Variants in ANXA2 observed in about 807,000 individuals in gnomAD.
The protein encoded by ANXA2 is annexin A2.
In ANXA2, 28 loss-of-function variants were observed where a neutral mutation model predicts 47.3. The ratio of observed to expected loss-of-function variants is 0.59; its 90% CI spans 0.44 to 0.81. The LOEUF (loss-of-function observed/expected upper bound fraction) is 0.81. Among genes scored for constraint, ANXA2 ranks in the 40% least tolerant of loss-of-function variants. The pLI, the probability that ANXA2 is intolerant of heterozygous loss-of-function variation, is 0.00. For missense variants in ANXA2, 384 were observed against 414.3 expected (o/e 0.93, Z 0.64); for synonymous variants, 172 against 155.5 (o/e 1.11, Z -0.79).
At position 60,379,728 on chromosome 15, in the gene ANXA2, C is replaced by T. The variant is rs150664380; in HGVS notation, c.148+2614G>A. Among the ~76,000 whole-genome samples, 807 of 152,282 alleles carry T rather than the reference C, an allele frequency of 5.3e-3. 8 individuals carry two copies. The highest frequency in any genetic ancestry group is 0.018 in the African/African-American group (764 of 41,544). On this transcript the variant is annotated intron_variant, in intron 3 of 12. Transcript: ENST00000451270. The stretch of plus-strand genomic sequence containing the variant: ...TGCCTGGTGCAGTATCTGCCCACAA[C>T]GAGCATTTTATAAATAGTTGCAATG...
chr15:60,392,946 A>C, intron 1 of ANXA2: 5 of 510,680 alleles, frequency 9.8e-6, no homozygotes, highest in Non-Finnish European at 1.3e-5. Context: ...TTAAACTAAA[A>C]AAAAAAAAAA....
At position 60,361,942 on chromosome 15, in the gene ANXA2, T is replaced by C. The variant is rs137887701; in HGVS notation, c.244-888A>G. Reference sequence around the variant, plus strand: ...TTCTTCTCTCTCTTCTTTCTTTCCTTGCTTTCTAAGAGCACCTGTGGCATC... The same window carrying C: ...TTCTTCTCTCTCTTCTTTCTTTCCTCGCTTTCTAAGAGCACCTGTGGCATC... On this transcript the variant is annotated intron_variant, in intron 4 of 12. Coordinates refer to ENST00000451270, the MANE Select transcript of ANXA2 (RefSeq NM_004039.3). Among the ~76,000 whole-genome samples, 1,097 of 152,172 alleles carry C rather than the reference T, an allele frequency of 7.2e-3. 13 individuals are homozygous for C. Among genetic ancestry groups the C allele is most frequent in the African/African-American group, 0.025 (1,031 of 41,498 alleles).
intron 3 of ANXA2, among the ~76,000 whole-genome samples, chr15:60,367,637 T>G (rs2062649208): frequency 1.5e-5 from 1 of 65,020 alleles, no homozygotes; most frequent in Non-Finnish European, 2.9e-5. Flanking sequence ...CCGCCCCTAC[T>G]GGGAAGTGAG....
At chr15:60,353,718 T>G (rs1177610531) in intron 8 of ANXA2, among the ~76,000 whole-genome samples, 1 of 152,196 alleles carries the variant, frequency 6.6e-6, no homozygotes, top group Non-Finnish European at 1.5e-5. Flanking sequence ...AAGGTGGGAC[T>G]CCTGAGGTTA....
rs959666712 is a variant in ANXA2 at position 60,378,252 on chromosome 15, T to A, written c.148+4090A>T. On this transcript the variant is annotated intron_variant, in intron 3 of 12. Coordinates refer to ENST00000451270, the MANE Select transcript of ANXA2 (RefSeq NM_004039.3). ...GGTGATGACTGCACAACTCTGCAAATACACTACTAAACACACTGAAATGTA... is the reference window on the plus strand; with the variant it reads ...GGTGATGACTGCACAACTCTGCAAAAACACTACTAAACACACTGAAATGTA... 4.6e-5 allele frequency among the ~76,000 whole-genome samples: 7 copies of A among 152,148 alleles called. 1 individual carries two copies. Among genetic ancestry groups the A allele is most frequent in the African/African-American group, 1.4e-4 (6 of 41,436 alleles).
intron 1 of ANXA2, chr15:60,390,750 T>A: frequency 6.1e-6 from 1 of 164,868 alleles, no homozygotes; most frequent in Non-Finnish European, 1.3e-5. Flanking sequence ...CAAAACAAAA[T>A]AAAAAGAAAT....
intron 6 of ANXA2, among the ~76,000 whole-genome samples, chr15:60,356,909 GTC>G (rs932273269): frequency 3.9e-5 from 6 of 152,074 alleles, no homozygotes; most frequent in African/African-American, 7.2e-5. Context: ...TTTCCCTCCT[GTC>G]TACCCTTCTT....
At chr15:60,349,024 C>A (rs765488123) in intron 12 of ANXA2, 51 bp downstream of exon 12, 70 of 1,609,178 alleles carry the variant, frequency 4.4e-5, no homozygotes, top group South Asian at 1.5e-4. Flanking sequence ...CCTGCCAGGG[C>A]CCGGGGTGCT....
intron 4 of ANXA2, chr15:60,362,682 A>T (rs1327458661): frequency 1.3e-5 from 2 of 152,230 alleles, no homozygotes; most frequent in East Asian, 3.8e-4. Context: ...TATCTCAAGT[A>T]GTTTACATAT....
rs1481527954 is a variant in ANXA2, at chr15:60,352,119, G to A, written c.682+264C>T. Among the ~76,000 whole-genome samples the A allele has an allele frequency of 6.6e-6, 1 of 152,156 alleles. No homozygotes were observed. The highest frequency in any genetic ancestry group is 2.4e-5 in the African/African-American group (1 of 41,412). On this transcript the variant is annotated intron_variant, in intron 9 of 12. Transcript: ENST00000451270. The surrounding 1 kb of genome is among the most constrained non-coding windows in gnomAD (Gnocchi z 4.2). ...GAAACAGTACAGAGCATGCACCAAA[G>A]TCCACTACTTCAACAAATAATGGCA... is the stretch of plus-strand genomic sequence containing the variant.
intron 1 of ANXA2, among the ~76,000 whole-genome samples, chr15:60,392,426 A>G (rs1180436702): frequency 6.6e-6 from 1 of 151,988 alleles, no homozygotes; most frequent in East Asian, 1.9e-4. Context: ...AAAACTCTAT[A>G]GATTTTATTG....
rs989635967 is a variant in ANXA2, at chr15:60,352,851, TACTGG to T, written c.589-380_589-376del. On this transcript the variant is annotated intron_variant, in intron 8 of 12. Transcript: ENST00000451270. This position sits in a 1 kb window ranked among gnomAD's most constrained non-coding sequence, Gnocchi z 4.2. ...AGGGGCAGATAAGCTAGCAGATGTT[TACTGG>T]ACAGCTACAGACCAGGCTCTCATTC... 5.9e-5 allele frequency among the ~76,000 whole-genome samples: 9 copies of T among 152,188 alleles called. No homozygotes were observed. Among genetic ancestry groups the T allele is most frequent in the Admixed American group, 5.9e-4 (9 of 15,288 alleles).
At chr15:60,356,618 CA>C (rs924920333) in intron 6 of ANXA2, among the ~76,000 whole-genome samples, 1 of 152,080 alleles carries the variant, frequency 6.6e-6, no homozygotes, top group Non-Finnish European at 1.5e-5. Context: ...CATGTACCCC[CA>C]AAATATGTAA....
At chr15:60,387,911 C>T (rs140713648) in intron 1 of ANXA2, among the ~76,000 whole-genome samples, 54 of 152,184 alleles carry the variant, frequency 3.5e-4, no homozygotes, top group African/African-American at 1.3e-3. Flanking sequence ...GACAATCGGC[C>T]GGGTGCGGTG....
intron 3 of ANXA2, among the ~76,000 whole-genome samples, chr15:60,376,304 CCCG>C (rs1385077149): frequency 2.6e-5 from 4 of 152,014 alleles, no homozygotes; most frequent in Non-Finnish European, 5.9e-5. Flanking sequence ...ATCGCTTGAA[CCCG>C]GGAGGCGAGG....
At chr15:60,364,323 A>G in intron 4 of ANXA2, 106 bp downstream of exon 4, 1 of 853,946 alleles carries the variant, frequency 1.2e-6, no homozygotes, top group Non-Finnish European at 1.9e-6. Flanking sequence ...CAAGGGTCCC[A>G]CAAGTCTTTT....
At chr15:60,385,175 C>A (rs1566948097) in intron 2 of ANXA2, among the ~76,000 whole-genome samples, 1 of 152,132 alleles carries the variant, frequency 6.6e-6, no homozygotes, top group Non-Finnish European at 1.5e-5. Context: ...AAAAAGGAAA[C>A]AGATGAATTA....
intron 2 of ANXA2, among the ~76,000 whole-genome samples, chr15:60,385,215 A>G (rs569782146): frequency 2.0e-5 from 3 of 152,352 alleles, no homozygotes; most frequent in African/African-American, 7.2e-5. Context: ...TTGGTTTTTT[A>G]AAAGAAATAT....
intron 10 of ANXA2, 25 bp downstream of exon 10, chr15:60,351,699 A>G: frequency 6.8e-7 from 1 of 1,475,384 alleles, no homozygotes; most frequent in Non-Finnish European, 9.5e-7. Flanking sequence ...GATGTCTACC[A>G]GGAATGGGGG....
Sources: gnomAD v4.1 joint callset for allele counts (sites outside exome capture counted in the v4.1 genomes callset) on GRCh38, gnomAD v4.1.1 for gene constraint, Gnocchi (gnomAD v3.1) non-coding constraint, MANE v1.5 for transcripts, NCBI Gene and HGNC (gene_info 2026-07-23, HGNC 2026-07-21) for gene names.